The following JADE1 variants were observed in gnomAD, a reference collection of about 807,000 sequenced individuals.
JADE1 encodes the protein protein Jade-1.
Under a neutral mutation model 81.8 loss-of-function variants are expected in JADE1, and 14 were observed. That is an observed-to-expected ratio of 0.17 (90% CI 0.11 to 0.27). The LOEUF (loss-of-function observed/expected upper bound fraction) is 0.27, where lower values mean the gene tolerates loss of function less well. JADE1 is among the 10% of genes least tolerant of loss of function. The pLI is 1.00. For synonymous variants in JADE1, 353 were observed against 391.9 expected (o/e 0.90, Z 1.17); for missense variants, 690 against 1,047.9 (o/e 0.66, Z 4.71).
intron 8 of JADE1, among the ~76,000 whole-genome samples, chr4:128,858,840 C>T (rs1426666478): frequency 1.3e-5 from 2 of 152,124 alleles, no homozygotes; most frequent in East Asian, 3.9e-4. Flanking sequence ...GAACTCCTGA[C>T]CTCGTGATCC....
At chr4:128,849,635 T>G (rs903690275) in intron 5 of JADE1, among the ~76,000 whole-genome samples, 3 of 152,212 alleles carry the variant, frequency 2.0e-5, no homozygotes, top group Admixed American at 6.5e-5. Context: ...GCGATTTTCC[T>G]TATGTCATGC....
intron 1 of JADE1, among the ~76,000 whole-genome samples, chr4:128,815,745 C>G (rs1435026567): frequency 6.6e-6 from 1 of 152,154 alleles, no homozygotes; most frequent in Non-Finnish European, 1.5e-5. Context: ...TGAAGCTCTT[C>G]CCTGTCATTT....
At chr4:128,836,889 A>G (rs1479083583) in intron 2 of JADE1, among the ~76,000 whole-genome samples, 3 of 152,042 alleles carry the variant, frequency 2.0e-5, no homozygotes, top group South Asian at 4.1e-4. Flanking sequence ...CCCCCTGAGT[A>G]TGATCAGCAT....
chr4:128,836,619 A>G (rs968551700), intron 2 of JADE1, among the ~76,000 whole-genome samples: 1 of 152,182 alleles, frequency 6.6e-6, no homozygotes, highest in Non-Finnish European at 1.5e-5. Flanking sequence ...CCTAAAGGAC[A>G]TACCATGTTA....
rs767008769 is a variant in JADE1 at position 128,874,473 on chromosome 4, CAAAA to C, written c.*2216_*2219del. ...TCAAATGTTCCAAGTTATGCTGAACCAAAAAAAACAAAACAAAAACAAAACAAAA... is the reference window on the plus strand; with the variant it reads ...TCAAATGTTCCAAGTTATGCTGAACCAAAACAAAACAAAAACAAAACAAAA... On this transcript the variant is annotated 3_prime_UTR_variant, in exon 11 of 11. Transcript: ENST00000226319. The C allele has an allele frequency of 4.1e-5, 6 of 144,720 alleles. No individual in the cohort carries two copies. The highest frequency in any genetic ancestry group is 1.4e-4 in the Admixed American group (2 of 14,418). 9.0% of individuals were successfully genotyped at this position (144,720 alleles called of 1,614,324 possible). A position where few individuals can be genotyped will look rare whatever the true frequency, so the allele number is the denominator to read the frequency against.
intron 1 of JADE1, among the ~76,000 whole-genome samples, chr4:128,812,265 C>T (rs966044115): frequency 1.6e-4 from 24 of 152,148 alleles, no homozygotes; most frequent in Admixed American, 7.2e-4. Flanking sequence ...AGTTACTTTC[C>T]CCTCCTCCCG....
chr4:128,838,462 CA>C (rs1456418203), intron 2 of JADE1, among the ~76,000 whole-genome samples: 17 of 152,112 alleles, frequency 1.1e-4, no homozygotes, highest in African/African-American at 3.6e-4. Flanking sequence ...GAAAGTAAAA[CA>C]AAATTTTACT....
At chr4:128,847,687 G>T (rs1311754802) in intron 4 of JADE1, among the ~76,000 whole-genome samples, 3 of 152,232 alleles carry the variant, frequency 2.0e-5, no homozygotes, top group Non-Finnish European at 2.9e-5. Flanking sequence ...AATACAGCTT[G>T]TGGAAGTTTT....
intron 1 of JADE1, among the ~76,000 whole-genome samples, chr4:128,817,110 C>A (rs1464739864): frequency 6.6e-6 from 1 of 152,088 alleles, no homozygotes; most frequent in Admixed American, 6.6e-5. Context: ...CCACCTACCT[C>A]GGCCTCCCAA....
intron 1 of JADE1, among the ~76,000 whole-genome samples, chr4:128,810,915 GGATTGCA>G (rs1248972033): frequency 6.6e-6 from 1 of 152,068 alleles, no homozygotes; most frequent in African/African-American, 2.4e-5. Flanking sequence ...AACTTAAAGG[GGATTGCA>G]AATTGCAACC....
chr4:128,858,166 A>G (rs1395943077), intron 8 of JADE1, among the ~76,000 whole-genome samples: 1 of 152,192 alleles, frequency 6.6e-6, no homozygotes, highest in Non-Finnish European at 1.5e-5. Context: ...CTGCTTTTGC[A>G]TATCCAGGTA....
At chr4:128,866,438 G>A (rs1035424111) in intron 9 of JADE1, among the ~76,000 whole-genome samples, 1 of 152,190 alleles carries the variant, frequency 6.6e-6, no homozygotes, top group African/African-American at 2.4e-5. Context: ...GAAAGCCTGT[G>A]TTCTGTCTCT....
At chr4:128,856,973 C>T (rs1730847970) in intron 7 of JADE1, among the ~76,000 whole-genome samples, 1 of 152,126 alleles carries the variant, frequency 6.6e-6, no homozygotes, top group African/African-American at 2.4e-5. Context: ...TTGTTGACAA[C>T]CTATTTGAAT....
intron 9 of JADE1, 90 bp downstream of exon 9, chr4:128,862,315 C>A: frequency 6.4e-7 from 1 of 1,563,218 alleles, no homozygotes; most frequent in South Asian, 1.2e-5. Context: ...GATAGCCAGT[C>A]ATATACTCTC....
intron 9 of JADE1, chr4:128,864,035 C>T: frequency 1.0e-6 from 1 of 985,146 alleles, no homozygotes; most frequent in Non-Finnish European, 1.2e-6. Context: ...TAGAACAATG[C>T]CAACGATGTA....
intron 2 of JADE1, among the ~76,000 whole-genome samples, chr4:128,838,515 C>T (rs1729166619): frequency 6.6e-6 from 1 of 152,220 alleles, no homozygotes; most frequent in Non-Finnish European, 1.5e-5. Flanking sequence ...TATCAGCACT[C>T]TGGAAACAAA....
At chr4:128,856,830 A>G (rs1730833716) in intron 7 of JADE1, among the ~76,000 whole-genome samples, 1 of 152,150 alleles carries the variant, frequency 6.6e-6, no homozygotes, top group Non-Finnish European at 1.5e-5. Context: ...CAATTCGGTG[A>G]TCCAGGCTGA....
At position 128,822,484 on chromosome 4, in the gene JADE1, G is replaced by A. The variant is rs555721682; in HGVS notation, c.-26-9249G>A. 4.1e-3 allele frequency among the ~76,000 whole-genome samples: 626 copies of A among 152,034 alleles called. 3 individuals are homozygous for A. Among genetic ancestry groups the A allele is most frequent in the African/African-American group, 0.014 (596 of 41,462 alleles). ...TCCCAGCACTTTGGGAGGCCGAGGC[G>A]GGTGGATCACCTGAGGTCAGAGTTC... On this transcript the variant is annotated intron_variant, in intron 1 of 10. Coordinates refer to ENST00000226319, the MANE Select transcript of JADE1 (RefSeq NM_199320.4).
Position 128,862,126 on chromosome 4 carries a change from C to T in JADE1, c.1404C>T (p.Thr468=). ...RKVNFNKPLI[T]PKKDEEDNLA... is the part of the protein sequence containing the mutation. ...TCAACTTCAACAAGCCCCTGATCACCCCAAAGAAAGATGAAGAGGACAATC... is the reference window on the plus strand; with the variant it reads ...TCAACTTCAACAAGCCCCTGATCACTCCAAAGAAAGATGAAGAGGACAATC... Residue 468 remains threonine, a synonymous_variant, in exon 9 of 11, where the codon ACC becomes ACT. Transcript: ENST00000226319. The T allele has an allele frequency of 2.5e-6, 4 of 1,614,138 alleles. No individual in the cohort carries two copies. The highest frequency in any genetic ancestry group is 2.5e-6 in the Non-Finnish European group (3 of 1,180,040).
Sources: allele counts gnomAD v4.1 joint callset (sites outside exome capture counted in the v4.1 genomes callset), GRCh38; gene constraint gnomAD v4.1.1; transcripts MANE v1.5; gene names NCBI Gene and HGNC (gene_info 2026-07-23, HGNC 2026-07-21).